The following CTNND2 variants were observed in gnomAD, a reference collection of about 807,000 sequenced individuals.
CTNND2 encodes the protein catenin delta 2.
CTNND2 carries 22 observed loss-of-function variants against 144.4 expected under a neutral mutation model. The ratio of observed to expected loss-of-function variants is 0.15; its 90% CI spans 0.11 to 0.22. The LOEUF (loss-of-function observed/expected upper bound fraction) is 0.22. CTNND2 is among the 10% of genes least tolerant of loss of function. The pLI, the probability that CTNND2 is intolerant of heterozygous loss-of-function variation, is 1.00. For synonymous variants in CTNND2, 751 were observed against 695.6 expected (o/e 1.08, Z -1.25); for missense variants, 1,353 against 1,618.8 (o/e 0.84, Z 2.82).
chr5:11,873,580 G>A (rs1166351536), intron 1 of CTNND2, among the ~76,000 whole-genome samples: 1 of 152,186 alleles, frequency 6.6e-6, no homozygotes, highest in African/African-American at 2.4e-5. Context: ...AACATGTTGT[G>A]TATAAGTCAC....
intron 2 of CTNND2, among the ~76,000 whole-genome samples, chr5:11,671,480 C>T (rs1405816399): frequency 3.9e-5 from 6 of 151,912 alleles, no homozygotes; most frequent in Admixed American, 2.0e-4. Flanking sequence ...CATTTCCTTT[C>T]ACTCTTTTTT....
chr5:11,615,753 C>T (rs1780549053), intron 2 of CTNND2, among the ~76,000 whole-genome samples: 1 of 152,190 alleles, frequency 6.6e-6, no homozygotes, highest in Non-Finnish European at 1.5e-5. Flanking sequence ...GACACAAGAG[C>T]TATGCATGTG....
chr5:11,227,469 G>T (rs1740487239), intron 10 of CTNND2, among the ~76,000 whole-genome samples: 1 of 152,116 alleles, frequency 6.6e-6, no homozygotes, highest in Admixed American at 6.6e-5. Context: ...AGAAATACAG[G>T]CTCTTTTCCA....
chr5:11,766,690 A>T (rs1449670662), intron 1 of CTNND2, among the ~76,000 whole-genome samples: 1 of 152,110 alleles, frequency 6.6e-6, no homozygotes, highest in African/African-American at 2.4e-5. Context: ...ACTGACCCTC[A>T]ATTTAGACCA....
chr5:11,363,667 A>G (rs1386628537), intron 8 of CTNND2, among the ~76,000 whole-genome samples: 1 of 152,236 alleles, frequency 6.6e-6, no homozygotes, highest in African/African-American at 2.4e-5. Flanking sequence ...AAATGTAAAT[A>G]TCAATAATCA....
intron 12 of CTNND2, among the ~76,000 whole-genome samples, chr5:11,137,831 T>G (rs2149729029): frequency 6.6e-6 from 1 of 152,308 alleles, no homozygotes; most frequent in South Asian, 2.1e-4. Context: ...TTAGAGGTAT[T>G]TAATGACCAA....
At chr5:11,321,183 T>C (rs1419849672) in intron 9 of CTNND2, among the ~76,000 whole-genome samples, 1 of 152,174 alleles carries the variant, frequency 6.6e-6, no homozygotes, top group Non-Finnish European at 1.5e-5. Flanking sequence ...ATCGGGAAAA[T>C]TGACATAAAA....
At chr5:10,993,884 A>G (rs1408082586) in intron 18 of CTNND2, among the ~76,000 whole-genome samples, 1 of 152,136 alleles carries the variant, frequency 6.6e-6, no homozygotes, top group South Asian at 2.1e-4. Flanking sequence ...TATGTTTTCA[A>G]TGATTTTTGA....
chr5:11,379,572 A>T (rs1758274936), intron 7 of CTNND2, among the ~76,000 whole-genome samples: 1 of 151,942 alleles, frequency 6.6e-6, no homozygotes, highest in African/African-American at 2.4e-5. Context: ...ATTAAAAAAA[A>T]ACTAAACAAA....
At position 11,903,810 on chromosome 5, in the gene CTNND2, A is replaced by C. The variant is rs2305933; in HGVS notation, c.37+7T>G. On this transcript the variant is annotated splice_region_variant and intron_variant, in intron 1 of 21. Coordinates refer to ENST00000304623, the MANE Select transcript of CTNND2 (RefSeq NM_001332.4). The surrounding 1 kb of genome is among the most constrained non-coding windows in gnomAD (Gnocchi z 5.4). The stretch of plus-strand genomic sequence containing the variant: ...CCCGGCCCCGGCCGCCCAGCCCCGC[A>C]ACTCACCCAAAGGCGCGGCGCCCGG... 1.4e-3 allele frequency: 2,101 copies of C among 1,481,316 alleles called. 44 individuals carry two copies. In the Admixed American group the frequency reaches 0.025, roughly 18 times the overall value. The allele number at this position is 1,481,316 out of a possible 1,614,324, so 91.8% of individuals were successfully genotyped here.
intron 3 of CTNND2, among the ~76,000 whole-genome samples, chr5:11,463,533 C>T (rs1345144985): frequency 1.3e-5 from 2 of 152,074 alleles, no homozygotes; most frequent in Admixed American, 6.6e-5. Context: ...TATCCTAGTA[C>T]ATTAGAGAGG....
chr5:11,386,516 A>G (rs1759104385), intron 6 of CTNND2, among the ~76,000 whole-genome samples: 3 of 152,222 alleles, frequency 2.0e-5, no homozygotes, highest in African/African-American at 7.2e-5. Flanking sequence ...TGCAGATCTG[A>G]AGGAGTTAAT....
At chr5:11,440,045 T>C (rs928978353) in intron 3 of CTNND2, among the ~76,000 whole-genome samples, 1 of 152,050 alleles carries the variant, frequency 6.6e-6, no homozygotes, top group Admixed American at 6.6e-5. Context: ...AGGTACAACT[T>C]GCAGAAGCCA....
chr5:11,742,123 C>A (rs1431147270), intron 1 of CTNND2, among the ~76,000 whole-genome samples: 2 of 151,914 alleles, frequency 1.3e-5, no homozygotes, highest in Admixed American at 6.6e-5. Context: ...GTGATGGGTG[C>A]ACCAAGATTT....
At chr5:11,196,457 T>C (rs1177623448) in intron 11 of CTNND2, among the ~76,000 whole-genome samples, 1 of 152,180 alleles carries the variant, frequency 6.6e-6, no homozygotes, top group Admixed American at 6.5e-5. Context: ...TGTAACGTAC[T>C]AAGTCATTTT....
intron 9 of CTNND2, among the ~76,000 whole-genome samples, chr5:11,345,989 A>G (rs1388753107): frequency 6.6e-6 from 1 of 152,234 alleles, no homozygotes; most frequent in Non-Finnish European, 1.5e-5. Flanking sequence ...TCTGATAAAT[A>G]GAAATACGCA....
At chr5:11,492,943 G>A (rs1463808115) in intron 3 of CTNND2, among the ~76,000 whole-genome samples, 1 of 151,788 alleles carries the variant, frequency 6.6e-6, no homozygotes. Flanking sequence ...AGGGTTGTGG[G>A]TGCCTGTAAT....
chr5:11,731,435 C>CTTAAAA (rs1450093005), intron 2 of CTNND2, among the ~76,000 whole-genome samples: 17 of 152,270 alleles, frequency 1.1e-4, no homozygotes, highest in African/African-American at 4.1e-4. Context: ...GGCTTTTTTA[C>CTTAAAA]TTAAAATTTT....
chr5:11,411,685 C>T (rs946709968), intron 4 of CTNND2, 33 bp from the exon 5 acceptor site: 2 of 1,227,836 alleles, frequency 1.6e-6, no homozygotes, highest in Non-Finnish European at 2.4e-6. Flanking sequence ...GATGAACAAA[C>T]ACATGGTATA....
Sources: allele counts gnomAD v4.1 joint callset (sites outside exome capture counted in the v4.1 genomes callset), GRCh38; gene constraint gnomAD v4.1.1; non-coding constraint Gnocchi (gnomAD v3.1); transcripts MANE v1.5; gene names NCBI Gene and HGNC (gene_info 2026-07-23, HGNC 2026-07-21).